PTPRM: variants seen among roughly 807,000 people sequenced by gnomAD.
PTPRM encodes the protein receptor-type tyrosine-protein phosphatase mu.
A neutral mutation model predicts 186.7 loss-of-function variants in PTPRM; 47 were observed. The observed-to-expected ratio is 0.25, with a 90% CI of 0.20 to 0.32. The LOEUF (loss-of-function observed/expected upper bound fraction) is 0.32, where lower values mean the gene tolerates loss of function less well. PTPRM is among the 10% of genes least tolerant of loss of function. The probability of loss-of-function intolerance (pLI) is 1.00; values close to 1 mark genes in which losing one functional copy is unlikely to be tolerated. For synonymous variants in PTPRM, 668 were observed against 674.9 expected (o/e 0.99, Z 0.16); for missense variants, 1,494 against 1,865.0 (o/e 0.80, Z 3.66).
intron 7 of PTPRM, among the ~76,000 whole-genome samples, chr18:7,984,862 TATAA>T (rs1438017344): frequency 7.5e-6 from 1 of 133,186 alleles, no homozygotes; most frequent in Non-Finnish European, 1.5e-5. Context: ...TATACACATA[TATAA>T]ATATATACAT....
intron 2 of PTPRM, among the ~76,000 whole-genome samples, chr18:7,807,162 G>A (rs1459236742): frequency 1.3e-5 from 2 of 152,090 alleles, no homozygotes; most frequent in Non-Finnish European, 2.9e-5. Flanking sequence ...GCTTTTTCAC[G>A]GATTTCAGTT....
rs185988770 is a variant in PTPRM at position 8,099,139 on chromosome 18, T to G, written c.1856+10288T>G. On this transcript the variant is annotated intron_variant, in intron 11 of 32. Coordinates refer to ENST00000580170, the MANE Select transcript of PTPRM (RefSeq NM_001105244.2). ...CACACACAGTCTCTCCACAGTCTCTTTCTCTCTCTCTCTCTCTCTTTCTCT... is the reference window on the plus strand; with the variant it reads ...CACACACAGTCTCTCCACAGTCTCTGTCTCTCTCTCTCTCTCTCTTTCTCT... Among the ~76,000 whole-genome samples, 1,421 of 149,564 alleles carry G rather than the reference T, an allele frequency of 9.5e-3. 23 individuals carry two copies. Among genetic ancestry groups the G allele is most frequent in the African/African-American group, 0.033 (1,328 of 40,726 alleles).
At chr18:8,136,515 T>C (rs1257945911) in intron 13 of PTPRM, among the ~76,000 whole-genome samples, 1 of 152,132 alleles carries the variant, frequency 6.6e-6, no homozygotes, top group African/African-American at 2.4e-5. Flanking sequence ...TATCAAACAA[T>C]CCATTATCTC....
At chr18:8,147,465 A>G (rs1352916486) in intron 14 of PTPRM, among the ~76,000 whole-genome samples, 1 of 152,190 alleles carries the variant, frequency 6.6e-6, no homozygotes, top group African/African-American at 2.4e-5. Context: ...TTATTGGTGT[A>G]TAGGAATGCT....
chr18:7,792,774 T>C (rs917375521), intron 2 of PTPRM, among the ~76,000 whole-genome samples: 1 of 152,106 alleles, frequency 6.6e-6, no homozygotes, highest in African/African-American at 2.4e-5. Context: ...TTGGGGATCC[T>C]ACCACCTCAG....
At position 8,326,159 on chromosome 18, in the gene PTPRM, G is replaced by C. The variant is rs368125225; in HGVS notation, c.2956+6945G>C. On this transcript the variant is annotated intron_variant, in intron 22 of 32. Transcript: ENST00000580170. Reference sequence around the variant, plus strand: ...TATTCTCTGGATAGTTTTTCTTGTTGTGCAGAAGCTCTTTAATTAGGTCTG... The same window carrying C: ...TATTCTCTGGATAGTTTTTCTTGTTCTGCAGAAGCTCTTTAATTAGGTCTG... Among the ~76,000 whole-genome samples the C allele has an allele frequency of 1.1e-4, 17 of 152,156 alleles. No homozygotes were observed. The East Asian group carries it at 3.1e-3, about 28-fold the overall frequency.
intron 1 of PTPRM, among the ~76,000 whole-genome samples, chr18:7,728,553 A>G (rs1250880805): frequency 2.0e-5 from 3 of 152,236 alleles, no homozygotes; most frequent in Non-Finnish European, 4.4e-5. Context: ...GGAAAAGACA[A>G]CATTCCATTG....
chr18:7,977,344 C>T (rs2055022013), intron 7 of PTPRM, among the ~76,000 whole-genome samples: 1 of 152,120 alleles, frequency 6.6e-6, no homozygotes, highest in South Asian at 2.1e-4. Flanking sequence ...CTTCCTCGGC[C>T]TCCCAAAATG....
At chr18:8,200,557 G>T (rs1460469769) in intron 14 of PTPRM, among the ~76,000 whole-genome samples, 1 of 152,222 alleles carries the variant, frequency 6.6e-6, no homozygotes, top group East Asian at 1.9e-4. Flanking sequence ...CTGGGGAACT[G>T]AACACACCGC....
chr18:8,195,712 G>A (rs1364502779), intron 14 of PTPRM, among the ~76,000 whole-genome samples: 2 of 152,134 alleles, frequency 1.3e-5, no homozygotes, highest in Non-Finnish European at 2.9e-5. Context: ...CATAGAGGGT[G>A]GAATAATAGA....
rs190541562 is a variant in PTPRM, at chr18:7,924,339, C to T, written c.548-2229C>T. ...TTTTTTTAATGTTTCCAGTTAATGA[C>T]ACATGTACTAAAATAGATTTATTAG... On this transcript the variant is annotated intron_variant, in intron 4 of 32. Transcript: ENST00000580170. Among the ~76,000 whole-genome samples, 5 of 152,128 alleles carry T rather than the reference C, an allele frequency of 3.3e-5. No individual in the cohort carries two copies. The East Asian group carries it at 9.7e-4, about 29-fold the overall frequency.
chr18:8,260,282 C>A (rs1055523764), intron 19 of PTPRM, among the ~76,000 whole-genome samples: 6 of 152,076 alleles, frequency 3.9e-5, no homozygotes, highest in Non-Finnish European at 8.8e-5. Flanking sequence ...TCCCACTCAG[C>A]CTCCTGAGTA....
chr18:8,288,764 G>T (rs569128004), intron 19 of PTPRM, among the ~76,000 whole-genome samples: 9 of 152,154 alleles, frequency 5.9e-5, no homozygotes, highest in Non-Finnish European at 1.2e-4. Context: ...ATTAGCGGGA[G>T]CTGACTACCA....
intron 1 of PTPRM, among the ~76,000 whole-genome samples, chr18:7,673,035 G>C (rs2039254636): frequency 6.6e-6 from 1 of 152,224 alleles, no homozygotes; most frequent in African/African-American, 2.4e-5. Flanking sequence ...GACATGAGGG[G>C]CTTCTTTCTA....
intron 26 of PTPRM, 99 bp from the exon 27 acceptor site, chr18:8,378,166 T>C: frequency 1.6e-6 from 2 of 1,250,216 alleles, no homozygotes; most frequent in Non-Finnish European, 2.3e-6. Flanking sequence ...CTGGAGGAAC[T>C]GTCTCCACTC....
chr18:8,022,575 A>G (rs2156236), intron 7 of PTPRM, among the ~76,000 whole-genome samples: 93,040 of 151,976 alleles, frequency 0.61, 28,610 homozygotes, highest in Non-Finnish European at 0.64. Context: ...AAACCATAAC[A>G]GGTCTCCACC....
intron 1 of PTPRM, among the ~76,000 whole-genome samples, chr18:7,625,628 G>A (rs945889819): frequency 1.3e-5 from 2 of 152,124 alleles, no homozygotes; most frequent in East Asian, 1.9e-4. Flanking sequence ...TCCGCCTCAC[G>A]GGTCCAAGCG....
At chr18:7,872,706 A>G (rs1042479129) in intron 2 of PTPRM, among the ~76,000 whole-genome samples, 7 of 152,178 alleles carry the variant, frequency 4.6e-5, no homozygotes, top group Admixed American at 1.3e-4. Flanking sequence ...CACTCTGTGG[A>G]GGCAGAAGAT....
chr18:8,120,260 C>A (rs1303686992), intron 13 of PTPRM, among the ~76,000 whole-genome samples: 2 of 152,090 alleles, frequency 1.3e-5, no homozygotes, highest in Non-Finnish European at 2.9e-5. Flanking sequence ...ATAATAGTTA[C>A]AAATAAACAC....
Sources: allele counts gnomAD v4.1 joint callset (sites outside exome capture counted in the v4.1 genomes callset), GRCh38; gene constraint gnomAD v4.1.1; transcripts MANE v1.5; gene names NCBI Gene and HGNC (gene_info 2026-07-23, HGNC 2026-07-21).